The following INPP5A variants were observed in gnomAD, a reference collection of about 807,000 sequenced individuals.
INPP5A encodes 43 kDa inositol polyphosphate 5-phophatase.
Under a neutral mutation model 65.2 loss-of-function variants are expected in INPP5A, and 14 were observed. That is an observed-to-expected ratio of 0.21 (90% CI 0.14 to 0.34). The LOEUF (loss-of-function observed/expected upper bound fraction) is 0.34, where lower values mean the gene tolerates loss of function less well. Ranked by LOEUF, INPP5A falls within the 10% of genes least tolerant of loss-of-function variation. The pLI, the probability that INPP5A is intolerant of heterozygous loss-of-function variation, is 1.00. For synonymous variants in INPP5A, 207 were observed against 208.3 expected, an observed-to-expected ratio of 0.99 and a Z score of 0.05; for missense variants, 431 against 545.6, an observed-to-expected ratio of 0.79 and a Z score of 2.09.
intron 4 of INPP5A, among the ~76,000 whole-genome samples, chr10:132,684,633 A>G (rs538800831): frequency 6.6e-6 from 1 of 152,330 alleles, no homozygotes; most frequent in Admixed American, 6.5e-5. Context: ...TTTCTCCTGT[A>G]TTACAAGGGC....
intron 12 of INPP5A, among the ~76,000 whole-genome samples, chr10:132,767,843 C>A (rs1458910003): frequency 6.8e-6 from 1 of 147,830 alleles, no homozygotes; most frequent in South Asian, 2.2e-4. Context: ...GATCCGTGGA[C>A]CCCAACCCTC....
rs573827725 is a variant in INPP5A, at chr10:132,648,878, C to T, written c.219-1540C>T. 4.6e-5 allele frequency among the ~76,000 whole-genome samples: 7 copies of T among 152,256 alleles called. No homozygotes were observed. The South Asian group carries it at 6.2e-4, about 14-fold the overall frequency. On this transcript the variant is annotated intron_variant, in intron 3 of 15. Coordinates refer to ENST00000368594, the MANE Select transcript of INPP5A (RefSeq NM_005539.5). ...TCTTTATGTTTATCTTGCTTGGGGC[C>T]GTTTGAGCATTTGCAGTCTGTGGGT...
In INPP5A at chr10:132,729,563, G is replaced by A. The variant is rs1309963021; in HGVS notation, c.732+2658G>A. On this transcript the variant is annotated intron_variant, in intron 9 of 15. Transcript: ENST00000368594. ...AGTTTCAGGTCTGGGACCTGCCTGA[G>A]TTTTACCCAGGAAGAAGCAAGACCA... 2.0e-5 allele frequency among the ~76,000 whole-genome samples: 3 copies of A among 152,174 alleles called. No individual in the cohort carries two copies. In the East Asian group the frequency reaches 5.8e-4, roughly 29 times the overall value.
chr10:132,757,976 C>G (rs1411225880), intron 11 of INPP5A, among the ~76,000 whole-genome samples: 1 of 145,604 alleles, frequency 6.9e-6, no homozygotes, highest in African/African-American at 2.6e-5. Context: ...GCCGACCCCA[C>G]AGGCCAGTGC....
intron 1 of INPP5A, among the ~76,000 whole-genome samples, chr10:132,571,435 G>C (rs2071340901): frequency 6.6e-6 from 1 of 152,222 alleles, no homozygotes; most frequent in South Asian, 2.1e-4. Flanking sequence ...AGTTCCCTTT[G>C]GGTGAACACA....
At chr10:132,590,639 C>T (rs991540024) in intron 1 of INPP5A, among the ~76,000 whole-genome samples, 1 of 152,220 alleles carries the variant, frequency 6.6e-6, no homozygotes, top group Admixed American at 6.5e-5. Context: ...AATCACCGCA[C>T]CCCGTTGCTT....
chr10:132,779,115 C>T (rs1268222964), intron 13 of INPP5A, among the ~76,000 whole-genome samples: 1 of 152,256 alleles, frequency 6.6e-6, no homozygotes, highest in Non-Finnish European at 1.5e-5. Context: ...CAGCCTGGCT[C>T]CTCCGCAGCC....
intron 2 of INPP5A, among the ~76,000 whole-genome samples, chr10:132,631,092 G>C (rs541205582): frequency 6.6e-6 from 1 of 152,312 alleles, no homozygotes; most frequent in South Asian, 2.1e-4. Flanking sequence ...TGGTGGCCCA[G>C]CCCCACGCAG....
chr10:132,670,200 A>AC (rs1211055386), intron 4 of INPP5A, among the ~76,000 whole-genome samples: 1 of 6,050 alleles, frequency 1.7e-4, no homozygotes, highest in Non-Finnish European at 3.2e-4. Flanking sequence ...CCCTGACCCC[A>AC]CCCCCCCGAC....
chr10:132,698,386 C>T lies in INPP5A; in HGVS notation c.474+467C>T, dbSNP rs1845379706. On this transcript the variant is annotated intron_variant, in intron 6 of 15. Coordinates refer to ENST00000368594, the MANE Select transcript of INPP5A (RefSeq NM_005539.5). This position sits in a 1 kb window ranked among gnomAD's most constrained non-coding sequence, Gnocchi z 5.5. ...GTGCCAGGCTGCGAGCAGCAGGGTCCCGGCAGTTATGCCTGCGTCACACGG... is the reference window on the plus strand; with the variant it reads ...GTGCCAGGCTGCGAGCAGCAGGGTCTCGGCAGTTATGCCTGCGTCACACGG... 1.3e-5 allele frequency among the ~76,000 whole-genome samples: 2 copies of T among 152,178 alleles called. No homozygotes were observed. Among genetic ancestry groups the T allele is most frequent in the Admixed American group, 1.3e-4 (2 of 15,278 alleles).
chr10:132,538,057 C>T lies in INPP5A; in HGVS notation c.-40C>T, dbSNP rs966111602. 6.8e-6 allele frequency: 7 copies of T among 1,029,180 alleles called. No individual in the cohort carries two copies. The African/African-American group carries it at 1.0e-4, about 15-fold the overall frequency. The allele number at this position is 1,029,180 out of a possible 1,614,324, so 63.8% of individuals were successfully genotyped here. A position where few individuals can be genotyped will look rare whatever the true frequency, so the allele number is the denominator to read the frequency against. On this transcript the variant is annotated 5_prime_UTR_variant, in exon 1 of 16. Coordinates refer to ENST00000368594, the MANE Select transcript of INPP5A (RefSeq NM_005539.5). The surrounding 1 kb of genome is among the most constrained non-coding windows in gnomAD (Gnocchi z 4.1). ...CCGGTCCCGGAGGAAGCGGCCGCCG[C>T]CGCCGCCGCCCAGCCCAGCGCCCGC...
chr10:132,592,676 G>A (rs965631722), intron 1 of INPP5A, among the ~76,000 whole-genome samples: 2 of 152,330 alleles, frequency 1.3e-5, no homozygotes, highest in South Asian at 2.1e-4. Flanking sequence ...CAAAGTGCTC[G>A]GATCACAGGC....
At chr10:132,612,026 C>G (rs1325499719) in intron 2 of INPP5A, among the ~76,000 whole-genome samples, 1 of 87,956 alleles carries the variant, frequency 1.1e-5, no homozygotes, top group Non-Finnish European at 2.2e-5. Context: ...AGGGGAGAGG[C>G]CCTGTCAAGA....
Position 132,697,971 on chromosome 10 carries a change from T to A in INPP5A, c.474+52T>A. The A allele has an allele frequency of 8.2e-7, 1 of 1,221,420 alleles. No homozygotes were observed. Among genetic ancestry groups the A allele is most frequent in the Non-Finnish European group, 1.2e-6 (1 of 830,018 alleles). 75.7% of individuals were successfully genotyped at this position (1,221,420 alleles called of 1,614,324 possible). The stretch of plus-strand genomic sequence containing the variant: ...GTGTTTACTTCTCAGAGTGAGCCAG[T>A]CAGAAGTGACATGGAACACGGAATT... On this transcript the variant is annotated intron_variant, in intron 6 of 15. Coordinates refer to ENST00000368594, the MANE Select transcript of INPP5A (RefSeq NM_005539.5). The surrounding 1 kb of genome is among the most constrained non-coding windows in gnomAD (Gnocchi z 5.6).
At chr10:132,751,109 T>C (rs1475097638) in intron 11 of INPP5A, among the ~76,000 whole-genome samples, 1 of 152,140 alleles carries the variant, frequency 6.6e-6, no homozygotes, top group Admixed American at 6.5e-5. Flanking sequence ...AGGATGGCAT[T>C]CGCTGCCTCC....
At chr10:132,589,273 T>C (rs979994923) in intron 1 of INPP5A, among the ~76,000 whole-genome samples, 1 of 152,238 alleles carries the variant, frequency 6.6e-6, no homozygotes, top group Non-Finnish European at 1.5e-5. Flanking sequence ...ACCCACACCC[T>C]GCAGGGCCAC....
At chr10:132,619,659 CT>C (rs2072085985) in intron 2 of INPP5A, among the ~76,000 whole-genome samples, 1 of 152,204 alleles carries the variant, frequency 6.6e-6, no homozygotes, top group Non-Finnish European at 1.5e-5. Context: ...CTGCAGCAGG[CT>C]TTTGCCTGGG....
At chr10:132,769,763 C>T (rs994114808) in intron 12 of INPP5A, among the ~76,000 whole-genome samples, 3 of 152,058 alleles carry the variant, frequency 2.0e-5, no homozygotes, top group African/African-American at 4.8e-5. Context: ...TTGTGGTGTG[C>T]GCCTCAACAG....
chr10:132,648,259 C>T (rs1159885562), intron 3 of INPP5A, among the ~76,000 whole-genome samples: 2 of 152,266 alleles, frequency 1.3e-5, no homozygotes, highest in African/African-American at 4.8e-5. Flanking sequence ...GCAGGCCGGA[C>T]GGGAACGATG....
Sources: allele counts gnomAD v4.1 joint callset (sites outside exome capture counted in the v4.1 genomes callset), GRCh38; gene constraint gnomAD v4.1.1; non-coding constraint Gnocchi (gnomAD v3.1); transcripts MANE v1.5; gene names NCBI Gene and HGNC (gene_info 2026-07-23, HGNC 2026-07-21).